SLC9B1: variants seen among roughly 807,000 people sequenced by gnomAD.
SLC9B1 encodes the protein solute carrier family 9 member B1.
In SLC9B1, 32 loss-of-function variants were observed where a neutral mutation model predicts 51.7. The observed-to-expected ratio is 0.62, with a 90% CI of 0.47 to 0.83. The LOEUF (loss-of-function observed/expected upper bound fraction) is 0.83, where lower values mean the gene tolerates loss of function less well. Among genes scored for constraint, SLC9B1 ranks in the 40% least tolerant of loss-of-function variants. The pLI is 0.00. For synonymous variants in SLC9B1, 145 were observed against 212.7 expected, an observed-to-expected ratio of 0.68 and a Z score of 2.77; for missense variants, 406 against 613.2, an observed-to-expected ratio of 0.66 and a Z score of 3.57.
At chr4:102,904,566 G>A (rs1734936176) in intron 11 of SLC9B1, among the ~76,000 whole-genome samples, 3 of 152,078 alleles carry the variant, frequency 2.0e-5, no homozygotes, top group African/African-American at 7.2e-5. Context: ...TACATTGGCT[G>A]GGCCCAGTGG....
intron 3 of SLC9B1, among the ~76,000 whole-genome samples, chr4:102,983,312 T>G (rs1234906282): frequency 6.6e-6 from 1 of 152,166 alleles, no homozygotes; most frequent in African/African-American, 2.4e-5. Flanking sequence ...TGTTAAGAAT[T>G]TTTGCATCTA....
At chr4:102,969,837 C>T (rs761895249) in intron 3 of SLC9B1, among the ~76,000 whole-genome samples, 39 of 152,116 alleles carry the variant, frequency 2.6e-4, no homozygotes, top group Admixed American at 8.5e-4. Flanking sequence ...AACTACATGA[C>T]GCATACACAA....
chr4:102,997,459 T>A (rs948362638), intron 1 of SLC9B1, among the ~76,000 whole-genome samples: 1 of 152,180 alleles, frequency 6.6e-6, no homozygotes, highest in African/African-American at 2.4e-5. Flanking sequence ...ACTTTAAAAA[T>A]TCATTATTTG....
chr4:102,939,406 C>CAAAAA (rs56014819), intron 6 of SLC9B1, among the ~76,000 whole-genome samples: 98 of 68,196 alleles, frequency 1.4e-3, no homozygotes, highest in East Asian at 3.3e-3. Context: ...GTCTCTGAGC[C>CAAAAA]AAAAAAAAAA....
intron 6 of SLC9B1, chr4:102,941,608 C>A (rs750310931): frequency 1.4e-4 from 35 of 253,228 alleles, no homozygotes; most frequent in Non-Finnish European, 2.7e-4. Flanking sequence ...CCATTGTACT[C>A]TAGCCTGGGC....
chr4:102,898,372 C>T (rs1211718471), downstream of SLC9B1: 1 of 254,348 alleles, frequency 3.9e-6, no homozygotes, highest in Non-Finnish European at 7.7e-6. Context: ...TTGAACTTTA[C>T]ATACCAAGCA....
At chr4:102,897,932 G>A (rs13114179), downstream of SLC9B1, 4 of 366,952 alleles carry the variant, frequency 1.1e-5, no homozygotes, top group Admixed American at 3.7e-5. Flanking sequence ...CCAAGTTACC[G>A]TGCAGCAGCC....
At chr4:102,951,599 C>A (rs1397078425) in intron 3 of SLC9B1, among the ~76,000 whole-genome samples, 4 of 150,110 alleles carry the variant, frequency 2.7e-5, no homozygotes, top group South Asian at 2.1e-4. Context: ...AAAAAAAAAA[C>A]CACTAAGTAC....
At chr4:102,918,256 T>C (rs1186917646) in intron 7 of SLC9B1, among the ~76,000 whole-genome samples, 1 of 152,034 alleles carries the variant, frequency 6.6e-6, no homozygotes, top group Non-Finnish European at 1.5e-5. Flanking sequence ...AAAAGGATTC[T>C]AAGAGTCTAC....
chr4:102,987,772 A>C (rs1324735791), intron 3 of SLC9B1, among the ~76,000 whole-genome samples: 1 of 152,184 alleles, frequency 6.6e-6, no homozygotes, highest in East Asian at 1.9e-4. Flanking sequence ...GTTTTAAATT[A>C]CAATTCAGGT....
chr4:102,888,560 A>G (rs1461435199), intron 11 of SLC9B1: 1 of 152,254 alleles, frequency 6.6e-6, no homozygotes, highest in Non-Finnish European at 1.5e-5. Flanking sequence ...AACGTACTGG[A>G]GAATCTTTAA....
intron 11 of SLC9B1, chr4:102,889,046 AG>A (rs1734091400): frequency 6.6e-6 from 1 of 152,254 alleles, no homozygotes. Context: ...CACTACACTA[AG>A]CATGGTACTT....
At chr4:102,969,686 T>C (rs1338966083) in intron 3 of SLC9B1, among the ~76,000 whole-genome samples, 2 of 151,970 alleles carry the variant, frequency 1.3e-5, no homozygotes, top group Non-Finnish European at 2.9e-5. Flanking sequence ...ATAACAAACT[T>C]CTCCGAGCCA....
intron 3 of SLC9B1, among the ~76,000 whole-genome samples, chr4:102,960,231 T>C (rs1738032522): frequency 6.6e-6 from 1 of 151,750 alleles, no homozygotes. Context: ...TTAGAAGTAT[T>C]AAATTGAATT....
chr4:102,893,281 C>CAAAAAAAAAAAAAAAAAAAAAAAAAAA (rs58316456), intron 11 of SLC9B1, among the ~76,000 whole-genome samples: 4 of 35,162 alleles, frequency 1.1e-4, no homozygotes, highest in Non-Finnish European at 1.4e-4. Context: ...GACTCCATCT[C>CAAAAAAAAAAAAAAAAAAAAAAAAAAA]AAAAAAAAAA....
chr4:103,015,280 C>T (rs7686513), intron 1 of SLC9B1, among the ~76,000 whole-genome samples: 1,723 of 129,734 alleles, frequency 0.013, 17 homozygotes, highest in Admixed American at 0.024. Context: ...AATGTATGGA[C>T]CAAAAAAAAA....
At chr4:102,928,744 G>C (rs771112520) in intron 7 of SLC9B1, among the ~76,000 whole-genome samples, 6 of 152,092 alleles carry the variant, frequency 3.9e-5, no homozygotes, top group Non-Finnish European at 8.8e-5. Flanking sequence ...AAGTTGAGGG[G>C]CAAGGAATCT....
chr4:102,898,048 C>T (rs1421588571), downstream of SLC9B1: 3 of 446,300 alleles, frequency 6.7e-6, no homozygotes, highest in East Asian at 1.2e-4. Flanking sequence ...TTCTTCAAGC[C>T]ATGCCCTAGT....
intron 3 of SLC9B1, among the ~76,000 whole-genome samples, chr4:102,969,709 C>T (rs1028094399): frequency 2.6e-5 from 4 of 152,118 alleles, no homozygotes; most frequent in East Asian, 1.9e-4. Flanking sequence ...GGAGGATGTT[C>T]GAACCCATTG....
Sources: allele counts gnomAD v4.1 joint callset (sites outside exome capture counted in the v4.1 genomes callset), GRCh38; gene constraint gnomAD v4.1.1; transcripts MANE v1.5; gene names NCBI Gene and HGNC (gene_info 2026-07-23, HGNC 2026-07-21).